LYPD6B: variants seen among roughly 807,000 people sequenced by gnomAD.
LYPD6B encodes the protein LY6/PLAUR domain containing 6B.
LYPD6B carries 17 observed loss-of-function variants against 22.8 expected under a neutral mutation model. The ratio of observed to expected loss-of-function variants is 0.75; its 90% CI spans 0.51 to 1.12. The LOEUF (loss-of-function observed/expected upper bound fraction) is 1.12. Ranked by LOEUF, LYPD6B falls within the 50% of genes most tolerant of loss-of-function variation. The pLI, the probability that LYPD6B is intolerant of heterozygous loss-of-function variation, is 0.00. For synonymous variants in LYPD6B, 106 were observed against 91.6 expected (o/e 1.16, Z -0.90); for missense variants, 221 against 258.3 (o/e 0.86, Z 0.99).
At chr2:149,113,197 T>G (rs1347801487) in intron 1 of LYPD6B, among the ~76,000 whole-genome samples, 1 of 44,010 alleles carries the variant, frequency 2.3e-5, no homozygotes, top group Admixed American at 2.8e-4. Context: ...GAGGTTGGCT[T>G]GTAAAGTCTT....
chr2:149,114,565 A>G (rs1686911040), intron 1 of LYPD6B, among the ~76,000 whole-genome samples: 1 of 152,224 alleles, frequency 6.6e-6, no homozygotes, highest in Non-Finnish European at 1.5e-5. Flanking sequence ...TTTGAAGTTC[A>G]GTGTTAACAT....
At chr2:149,113,217 A>G (rs973535757) in intron 1 of LYPD6B, among the ~76,000 whole-genome samples, 1 of 151,834 alleles carries the variant, frequency 6.6e-6, no homozygotes. Flanking sequence ...TAGTTTTTCT[A>G]TTGTCTTTGT....
Position 149,174,183 on chromosome 2 carries a change from G to A in LYPD6B, c.77+13348G>A, listed in dbSNP as rs1013723557. On this transcript the variant is annotated intron_variant, in intron 3 of 6. Coordinates refer to ENST00000409642, the MANE Select transcript of LYPD6B (RefSeq NM_177964.5). ...GTGAATGGGAGTTCATTCATGATTT[G>A]GCTCTCAGCTTGGTGTAAAGGAATG... Among the ~76,000 whole-genome samples the A allele has an allele frequency of 3.5e-4, 53 of 152,012 alleles. 1 individual carries two copies. The highest frequency in any genetic ancestry group is 2.4e-5 in the African/African-American group (1 of 41,380).
intron 3 of LYPD6B, among the ~76,000 whole-genome samples, chr2:149,193,135 C>G (rs899521632): frequency 6.6e-6 from 1 of 152,128 alleles, no homozygotes; most frequent in African/African-American, 2.4e-5. Flanking sequence ...ATCGGTGCTT[C>G]CCCAGGCCTC....
chr2:149,162,628 A>G (rs1690152344), intron 3 of LYPD6B, among the ~76,000 whole-genome samples: 1 of 152,182 alleles, frequency 6.6e-6, no homozygotes, highest in African/African-American at 2.4e-5. Flanking sequence ...GTTAAAGCAT[A>G]TTTGGCCTAT....
At chr2:149,082,755 G>A (rs1375458422) in intron 1 of LYPD6B, among the ~76,000 whole-genome samples, 1 of 152,070 alleles carries the variant, frequency 6.6e-6, no homozygotes, top group East Asian at 1.9e-4. Flanking sequence ...AAATCATTTG[G>A]GGCTCCTCTT....
chr2:149,097,932 T>C (rs1268118528), intron 1 of LYPD6B, among the ~76,000 whole-genome samples: 11 of 152,148 alleles, frequency 7.2e-5, no homozygotes, highest in Admixed American at 1.3e-4. Flanking sequence ...AGACATATAG[T>C]GTATTTAGTG....
chr2:149,143,919 T>C (rs1688851668), intron 2 of LYPD6B: 1 of 152,204 alleles, frequency 6.6e-6, no homozygotes, highest in African/African-American at 2.4e-5. Flanking sequence ...TCTAAGTCTC[T>C]CAAGCCAGTG....
intron 1 of LYPD6B, among the ~76,000 whole-genome samples, chr2:149,093,923 C>A (rs1490399064): frequency 6.6e-6 from 1 of 152,114 alleles, no homozygotes; most frequent in African/African-American, 2.4e-5. Flanking sequence ...CTTTGAAACT[C>A]CTTTACATCA....
intron 1 of LYPD6B, among the ~76,000 whole-genome samples, chr2:149,084,035 G>A (rs1006414560): frequency 6.6e-6 from 1 of 152,104 alleles, no homozygotes; most frequent in African/African-American, 2.4e-5. Flanking sequence ...GGAGGCAGAG[G>A]TTGCAGTGAG....
chr2:149,167,075 G>T (rs1182061898), intron 3 of LYPD6B, among the ~76,000 whole-genome samples: 1 of 150,760 alleles, frequency 6.6e-6, no homozygotes, highest in Non-Finnish European at 1.5e-5. Flanking sequence ...TTCTCTTGTG[G>T]ATGCTCACTT....
chr2:149,140,664 G>T (rs1478559338), intron 2 of LYPD6B, among the ~76,000 whole-genome samples: 1 of 152,194 alleles, frequency 6.6e-6, no homozygotes, highest in African/African-American at 2.4e-5. Context: ...TAGCATTGGT[G>T]TTGTATTCCC....
intron 1 of LYPD6B, among the ~76,000 whole-genome samples, chr2:149,122,374 T>C (rs1444891580): frequency 6.6e-6 from 1 of 152,104 alleles, no homozygotes; most frequent in African/African-American, 2.4e-5. Flanking sequence ...GGAGGCATGT[T>C]TCTCATTTCT....
chr2:149,136,629 A>G (rs889086920), intron 2 of LYPD6B, among the ~76,000 whole-genome samples: 8 of 152,260 alleles, frequency 5.3e-5, no homozygotes, highest in African/African-American at 1.9e-4. Flanking sequence ...AACACCCAAT[A>G]GAAAACAAAT....
chr2:149,153,245 G>C (rs751691204), intron 2 of LYPD6B, among the ~76,000 whole-genome samples: 1 of 152,134 alleles, frequency 6.6e-6, no homozygotes, highest in African/African-American at 2.4e-5. Context: ...TCTATTTAAG[G>C]ACAGTCAGTA....
intron 1 of LYPD6B, among the ~76,000 whole-genome samples, chr2:149,077,838 A>C (rs1240713583): frequency 6.6e-6 from 1 of 152,200 alleles, no homozygotes; most frequent in Admixed American, 6.5e-5. Flanking sequence ...ACTGGCATCT[A>C]TTCTTCCAAT....
intron 3 of LYPD6B, among the ~76,000 whole-genome samples, chr2:149,167,296 G>A (rs1690492420): frequency 6.6e-6 from 1 of 152,092 alleles, no homozygotes; most frequent in Non-Finnish European, 1.5e-5. Context: ...TGTTTCAGGG[G>A]GCTTTGGAGC....
chr2:149,186,338 C>T (rs1054616935), intron 3 of LYPD6B, among the ~76,000 whole-genome samples: 1 of 152,220 alleles, frequency 6.6e-6, no homozygotes, highest in Non-Finnish European at 1.5e-5. Context: ...AAACTAACCA[C>T]AGCATTCCCT....
At chr2:149,141,744 C>T (rs1042872860) in intron 2 of LYPD6B, among the ~76,000 whole-genome samples, 3 of 152,222 alleles carry the variant, frequency 2.0e-5, no homozygotes, top group East Asian at 3.9e-4. Context: ...TAATACAAGC[C>T]GGATGGCTCA....
Sources: gnomAD v4.1 joint callset for allele counts (sites outside exome capture counted in the v4.1 genomes callset) on GRCh38, gnomAD v4.1.1 for gene constraint, MANE v1.5 for transcripts, NCBI Gene and HGNC (gene_info 2026-07-23, HGNC 2026-07-21) for gene names.